The following RIC3 variants were observed in gnomAD, a reference collection of about 807,000 sequenced individuals.
RIC3 encodes the protein RIC3 acetylcholine receptor chaperone, also known as protein RIC-3.
A neutral mutation model predicts 27.3 loss-of-function variants in RIC3; 28 were observed. The observed-to-expected ratio is 1.02, with a 90% CI of 0.76 to 1.41. The LOEUF is 1.41. RIC3 is among the 40% of genes most tolerant of loss of function. The probability of loss-of-function intolerance (pLI) is 0.00; values close to 1 mark genes in which losing one functional copy is unlikely to be tolerated. For synonymous variants in RIC3, 184 were observed against 160.4 expected (o/e 1.15, Z -1.11); for missense variants, 501 against 444.7 (o/e 1.13, Z -1.14).
intron 1 of RIC3, among the ~76,000 whole-genome samples, chr11:8,162,463 A>T (rs1951258725): frequency 1.3e-5 from 2 of 152,076 alleles, no homozygotes; most frequent in South Asian, 4.1e-4. Flanking sequence ...AACCAGGTTA[A>T]ATGTTTCTCT....
In RIC3 at chr11:8,111,137, C is replaced by T. The variant is rs1250313345; in HGVS notation, c.671G>A (p.Gly224Asp). 6.3e-7 allele frequency: 1 copy of T among 1,578,252 alleles called. No individual in the cohort carries two copies. Among genetic ancestry groups the T allele is most frequent in the East Asian group, 2.3e-5 (1 of 44,304 alleles). The change falls in exon 6 of 6, where the codon GGT becomes GAT. Residue 224 changes from glycine to aspartate, a missense_variant and splice_region_variant. By Grantham distance (94) the Gly-to-Asp change is moderately conservative (BLOSUM62 -1). Transcript: ENST00000309737. ...AATTGGGTAAGTCTCTTCAGGGTAA[C>T]CTAGAGAGAAAAGTAGCACAAAGTA... ...EEAPYMEDWEGYPEETYPIYD... is the reference protein window; with the variant it reads ...EEAPYMEDWEDYPEETYPIYD...
At chr11:8,122,864 C>CAAAAAAAAAAA (rs55826618) in intron 5 of RIC3, among the ~76,000 whole-genome samples, 3 of 63,514 alleles carry the variant, frequency 4.7e-5, no homozygotes, top group East Asian at 4.8e-4. Context: ...ACCAGGTATG[C>CAAAAAAAAAAA]AAAAAAAAAA....
chr11:8,126,854 G>A (rs11041754), intron 4 of RIC3, 47 bp from the exon 5 acceptor site: 18 of 1,607,490 alleles, frequency 1.1e-5, no homozygotes, highest in Admixed American at 6.7e-5. Flanking sequence ...AATACTCCTA[G>A]GCAATGGACG....
At chr11:8,094,335 G>C in the RIC3 span, 6 of 1,123,776 alleles carry the variant, frequency 5.3e-6, no homozygotes, top group Admixed American at 5.7e-5. Context: ...CACCCCCTCA[G>C]GTGGCTCACA....
At chr11:8,100,590 C>T in the RIC3 span, 135 of 1,613,886 alleles carry the variant, frequency 8.4e-5, 1 homozygote, top group African/African-American at 4.8e-4. Context: ...AGTCTCTATC[C>T]GCCCCCGCAA....
intron 1 of RIC3, among the ~76,000 whole-genome samples, chr11:8,148,276 T>C (rs947559435): frequency 6.6e-6 from 1 of 152,198 alleles, no homozygotes; most frequent in African/African-American, 2.4e-5. Context: ...GAAATCACCA[T>C]GTCACCACCC....
At chr11:8,114,758 C>T (rs1190175498) in intron 5 of RIC3, among the ~76,000 whole-genome samples, 3 of 151,350 alleles carry the variant, frequency 2.0e-5, no homozygotes, top group African/African-American at 7.3e-5. Flanking sequence ...ATAACTAAAA[C>T]AAAAAATTTA....
chr11:8,148,096 G>C (rs1478674131), intron 1 of RIC3, among the ~76,000 whole-genome samples: 1 of 152,184 alleles, frequency 6.6e-6, no homozygotes, highest in Non-Finnish European at 1.5e-5. Context: ...AGGTGGGCAG[G>C]TAGGCTTGGA....
chr11:8,100,936 C>T, the RIC3 span: 13 of 1,614,178 alleles, frequency 8.1e-6, no homozygotes, highest in Non-Finnish European at 1.0e-5. Context: ...ATGTACTCAA[C>T]TTCCATGGGC....
chr11:8,134,216 A>G (rs894939343), intron 4 of RIC3, among the ~76,000 whole-genome samples: 4 of 152,146 alleles, frequency 2.6e-5, no homozygotes, highest in Admixed American at 6.5e-5. Flanking sequence ...TCATTGTTCA[A>G]TTCCCACCTA....
intron 4 of RIC3, among the ~76,000 whole-genome samples, chr11:8,132,492 G>A (rs927596362): frequency 6.6e-6 from 1 of 152,112 alleles, no homozygotes; most frequent in Non-Finnish European, 1.5e-5. Context: ...TAGTCTCAGT[G>A]TCCTTGAGTT....
rs1434089247 is a variant in RIC3, at chr11:8,142,204, C to CA, written c.125-2012dup. On this transcript the variant is annotated intron_variant, in intron 1 of 5. Coordinates refer to ENST00000309737, the MANE Select transcript of RIC3 (RefSeq NM_001206671.4). ...AGCAGAACTGAAGGAAATAGAGACA[C>CA]AAAAAACCCTTCAAAAAATTAATGA... Among the ~76,000 whole-genome samples the CA allele has an allele frequency of 3.7e-5, 5 of 134,910 alleles. No homozygotes were observed. The East Asian group carries it at 6.5e-4, about 17-fold the overall frequency. 88.5% of individuals were successfully genotyped at this position (134,910 alleles called of 152,430 possible).
downstream of RIC3, chr11:8,101,790 ACT>A: frequency 8.5e-7 from 1 of 1,182,950 alleles, no homozygotes; most frequent in Middle Eastern, 3.0e-4. Flanking sequence ...TGCCTCTGCT[ACT>A]GAGGCAGGGG....
chr11:8,101,043 G>C, the RIC3 span: 1 of 1,607,868 alleles, frequency 6.2e-7, no homozygotes, highest in African/African-American at 1.3e-5. Context: ...GGATACCCAA[G>C]GCCCTTAGCG....
intron 4 of RIC3, among the ~76,000 whole-genome samples, chr11:8,130,899 G>A (rs1034996290): frequency 6.6e-6 from 1 of 152,046 alleles, no homozygotes; most frequent in Non-Finnish European, 1.5e-5. Context: ...GAAAGATAAA[G>A]CAAGAGAGGT....
At chr11:8,094,237 T>C in the RIC3 span, 21 of 1,553,592 alleles carry the variant, frequency 1.4e-5, no homozygotes, top group Non-Finnish European at 1.7e-5. Flanking sequence ...TGGCCTCCAC[T>C]GTAGGGCTGG....
intron 1 of RIC3, among the ~76,000 whole-genome samples, chr11:8,162,132 C>T (rs1275140845): frequency 2.0e-5 from 3 of 152,224 alleles, no homozygotes; most frequent in Non-Finnish European, 2.9e-5. Flanking sequence ...GAGCACAGAA[C>T]CAACTTGAGA....
At chr11:8,164,192 A>G (rs900361786) in intron 1 of RIC3, among the ~76,000 whole-genome samples, 3 of 152,206 alleles carry the variant, frequency 2.0e-5, no homozygotes, top group African/African-American at 7.2e-5. Context: ...ATTCAAAGGG[A>G]TCAAAGACTT....
chr11:8,163,306 C>T (rs7946652), intron 1 of RIC3, among the ~76,000 whole-genome samples: 5,396 of 152,118 alleles, frequency 0.035, 121 homozygotes, highest in South Asian at 0.088. Context: ...AACCTGAAAA[C>T]AGGCATCTAC....
Sources: gnomAD v4.1 joint callset for allele counts (sites outside exome capture counted in the v4.1 genomes callset) on GRCh38, gnomAD v4.1.1 for gene constraint, MANE v1.5 for transcripts, NCBI Gene and HGNC (gene_info 2026-07-23, HGNC 2026-07-21) for gene names.